Variants in LRP1B observed in about 807,000 individuals in gnomAD.
LRP1B encodes low-density lipoprotein receptor-related protein 1B.
In LRP1B, 217 loss-of-function variants were observed where a neutral mutation model predicts 556.6. The ratio of observed to expected loss-of-function variants is 0.39; its 90% CI spans 0.35 to 0.44. LRP1B has a LOEUF of 0.44. Among genes scored for constraint, LRP1B ranks in the 20% least tolerant of loss-of-function variants. LRP1B has a pLI of 1.00. For missense variants in LRP1B, 5,053 were observed against 5,620.8 expected, an observed-to-expected ratio of 0.90 and a Z score of 3.23; for synonymous variants, 2,047 against 1,865.8, an observed-to-expected ratio of 1.10 and a Z score of -2.50.
chr2:141,342,533 C>G (rs1688104243), intron 3 of LRP1B, among the ~76,000 whole-genome samples: 1 of 151,756 alleles, frequency 6.6e-6, no homozygotes, highest in Non-Finnish European at 1.5e-5. Flanking sequence ...CATGAATGAC[C>G]TGATTGAACT....
chr2:141,725,415 T>C (rs1271936663), intron 2 of LRP1B, among the ~76,000 whole-genome samples: 3 of 151,896 alleles, frequency 2.0e-5, no homozygotes, highest in South Asian at 2.1e-4. Flanking sequence ...GATTAAAAGG[T>C]CATCAGAGAT....
At chr2:140,722,292 C>A (rs1179360134) in intron 35 of LRP1B, among the ~76,000 whole-genome samples, 2 of 152,110 alleles carry the variant, frequency 1.3e-5, no homozygotes, top group African/African-American at 2.4e-5. Flanking sequence ...TATGAAAATT[C>A]TTTATTTTCC....
At chr2:141,155,553 G>A (rs1252322070) in intron 7 of LRP1B, among the ~76,000 whole-genome samples, 1 of 151,292 alleles carries the variant, frequency 6.6e-6, no homozygotes, top group Admixed American at 6.6e-5. Context: ...AGGTATATAT[G>A]TGCCATGGTG....
chr2:140,671,963 C>G (rs1242301149), intron 41 of LRP1B, among the ~76,000 whole-genome samples: 2 of 152,132 alleles, frequency 1.3e-5, no homozygotes, highest in African/African-American at 2.4e-5. Context: ...AGCATCAACT[C>G]AAGTCCAAAA....
chr2:141,393,580 C>T (rs1690134039), intron 3 of LRP1B, among the ~76,000 whole-genome samples: 1 of 152,086 alleles, frequency 6.6e-6, no homozygotes, highest in Admixed American at 6.5e-5. Context: ...CCTTTCCCTG[C>T]TGTAAGTATA....
chr2:141,480,525 C>T lies in LRP1B; in HGVS notation c.214G>A (p.Glu72Lys), dbSNP rs2105090414. The change falls in exon 3 of 91, where the codon GAG (glutamate) becomes AAG (lysine). Residue 72 changes from glutamate to lysine, a missense_variant. Glu to Lys is a moderately conservative substitution (Grantham distance 56). This residue lies in a region of LRP1B where 3,619 missense variants were observed against 3,931.9 expected (regional missense o/e 0.92). Coordinates refer to ENST00000389484, the MANE Select transcript of LRP1B (RefSeq NM_018557.3). The part of the protein sequence containing the change: ...SDESLDTCPE[E>K]VEIKCPLNHI... ...TTCAAGGGGCACTTGATTTCTACCT[C>T]CTCGGGACCTGAAAAGATGTAAAAA... The T allele has an allele frequency of 1.2e-6, 2 of 1,613,798 alleles. No homozygotes were observed. The highest frequency in any genetic ancestry group is 1.7e-6 in the Non-Finnish European group (2 of 1,179,848).
chr2:140,440,350 G>A (rs1686371622), intron 66 of LRP1B, among the ~76,000 whole-genome samples: 1 of 152,122 alleles, frequency 6.6e-6, no homozygotes, highest in African/African-American at 2.4e-5. Flanking sequence ...GAGGACATGG[G>A]ACATGTGAAA....
chr2:141,760,254 G>C (rs1433399811), intron 2 of LRP1B, among the ~76,000 whole-genome samples: 2 of 152,098 alleles, frequency 1.3e-5, no homozygotes, highest in Non-Finnish European at 2.9e-5. Context: ...ATAAGTGATG[G>C]TACAACCATT....
chr2:141,764,799 A>T (rs573879162), intron 2 of LRP1B, among the ~76,000 whole-genome samples: 53 of 152,338 alleles, frequency 3.5e-4, no homozygotes, highest in Non-Finnish European at 6.9e-4. Context: ...AGTGAAAAAA[A>T]ATTCACACAC....
chr2:141,053,737 C>T (rs539863964), intron 10 of LRP1B, among the ~76,000 whole-genome samples: 3 of 152,052 alleles, frequency 2.0e-5, no homozygotes, highest in South Asian at 4.1e-4. Flanking sequence ...TGATGTACTA[C>T]ATTAGGGACA....
intron 1 of LRP1B, among the ~76,000 whole-genome samples, chr2:142,039,408 A>G (rs1703991214): frequency 6.6e-6 from 1 of 151,450 alleles, no homozygotes; most frequent in Non-Finnish European, 1.5e-5. Flanking sequence ...ACTGTGATGT[A>G]TGGATGTGTC....
intron 2 of LRP1B, among the ~76,000 whole-genome samples, chr2:141,481,361 C>G (rs1398357771): frequency 1.3e-5 from 2 of 152,068 alleles, no homozygotes; most frequent in Non-Finnish European, 2.9e-5. Flanking sequence ...TTCCAAATCC[C>G]CATATGATTC....
chr2:141,504,468 T>G (rs1683846959), intron 2 of LRP1B, among the ~76,000 whole-genome samples: 1 of 152,146 alleles, frequency 6.6e-6, no homozygotes, highest in Non-Finnish European at 1.5e-5. Flanking sequence ...AAATCATTTA[T>G]GTTCAGAAAT....
intron 41 of LRP1B, among the ~76,000 whole-genome samples, chr2:140,635,035 A>C (rs1434152524): frequency 6.6e-6 from 1 of 152,144 alleles, no homozygotes; most frequent in Non-Finnish European, 1.5e-5. Flanking sequence ...GGGGAAACTG[A>C]GTATGAGATA....
chr2:140,510,899 C>T (rs1689623810), intron 51 of LRP1B, among the ~76,000 whole-genome samples: 1 of 152,024 alleles, frequency 6.6e-6, no homozygotes, highest in Admixed American at 6.6e-5. Flanking sequence ...ATGATATTTT[C>T]CTAGTCCCTG....
At chr2:141,767,226 T>G (rs1248904955) in intron 2 of LRP1B, among the ~76,000 whole-genome samples, 1 of 152,052 alleles carries the variant, frequency 6.6e-6, no homozygotes, top group Non-Finnish European at 1.5e-5. Flanking sequence ...CTTTAGTATC[T>G]GGCTAGATGG....
rs998607772 is a variant in LRP1B, at chr2:140,613,250, T to C, written c.6800-11611A>G. 4.8e-5 allele frequency among the ~76,000 whole-genome samples: 7 copies of C among 144,822 alleles called. No individual in the cohort carries two copies. In the South Asian group the frequency reaches 1.0e-3, roughly 22 times the overall value. ...AATATATATATATTACAATTATATT[T>C]ATATAATTATGTTATATATAATTAT... On this transcript the variant is annotated intron_variant, in intron 41 of 90. Transcript: ENST00000389484.
chr2:140,979,666 A>G (rs764032002), intron 18 of LRP1B, among the ~76,000 whole-genome samples: 4 of 152,184 alleles, frequency 2.6e-5, no homozygotes, highest in Non-Finnish European at 5.9e-5. Context: ...CAAGGAATGA[A>G]ACCTACTATA....
At chr2:140,563,535 C>G (rs1558970298) in intron 43 of LRP1B, among the ~76,000 whole-genome samples, 1 of 152,206 alleles carries the variant, frequency 6.6e-6, no homozygotes, top group African/African-American at 2.4e-5. Flanking sequence ...TCTTCTAATA[C>G]TGTAACCACT....
Sources: gnomAD v4.1 joint callset for allele counts (sites outside exome capture counted in the v4.1 genomes callset) on GRCh38, gnomAD v4.1.1 for gene constraint, gnomAD v4.1.1 regional missense constraint, MANE v1.5 for transcripts, NCBI Gene and HGNC (gene_info 2026-07-23, HGNC 2026-07-21) for gene names.